Variants in XRRA1 observed in about 807,000 individuals in gnomAD.
XRRA1 encodes the protein X-ray radiation resistance associated 1, also known as X-ray radiation resistance-associated protein 1.
In XRRA1, 69 loss-of-function variants were observed where a neutral mutation model predicts 80.2. The ratio of observed to expected loss-of-function variants is 0.86; its 90% CI spans 0.71 to 1.05. XRRA1 has a LOEUF of 1.05. Ranked by LOEUF, XRRA1 falls within the 50% of genes least tolerant of loss-of-function variation. XRRA1 has a pLI of 0.00. For synonymous variants in XRRA1, 348 were observed against 389.9 expected (o/e 0.89, Z 1.27); for missense variants, 967 against 976.4 (o/e 0.99, Z 0.13).
chr11:74,845,047 T>C (rs2037685328), intron 16 of XRRA1, 26 bp downstream of exon 16: 1 of 1,609,746 alleles, frequency 6.2e-7, no homozygotes, highest in African/African-American at 1.3e-5. Flanking sequence ...CCTCTTGCCC[T>C]AGAGCAAGGA....
intron 5 of XRRA1, among the ~76,000 whole-genome samples, chr11:74,931,112 ATCT>A (rs959868608): frequency 7.3e-6 from 1 of 136,260 alleles, no homozygotes; most frequent in Non-Finnish European, 1.6e-5. Flanking sequence ...CAGCTCCCAT[ATCT>A]TTTTTTATGC....
intron 4 of XRRA1, among the ~76,000 whole-genome samples, chr11:74,936,466 T>C (rs1377431672): frequency 6.6e-6 from 1 of 152,222 alleles, no homozygotes; most frequent in Non-Finnish European, 1.5e-5. Context: ...AATTGACTGT[T>C]TCCCCTGACC....
chr11:74,923,599 T>G lies in XRRA1; in HGVS notation c.523-2252A>C, dbSNP rs553646706. 1.3e-3 allele frequency among the ~76,000 whole-genome samples: 202 copies of G among 152,336 alleles called. 1 individual carries two copies. Among genetic ancestry groups the G allele is most frequent in the African/African-American group, 4.6e-3 (193 of 41,564 alleles). ...CAGAATGGTTTTTCTAAAATGCAGT[T>G]CTGACCCTACCACTTAGCTTAAAAC... On this transcript the variant is annotated intron_variant, in intron 7 of 18. Coordinates refer to ENST00000684022, the MANE Select transcript of XRRA1 (RefSeq NM_001378157.1).
At chr11:74,846,908 GA>G (rs976744311) in intron 15 of XRRA1, among the ~76,000 whole-genome samples, 1 of 145,364 alleles carries the variant, frequency 6.9e-6, no homozygotes, top group Admixed American at 6.8e-5. Flanking sequence ...AATTAGGCCA[GA>G]AAAAAAAAGA....
chr11:74,856,625 A>G (rs1022734103), intron 12 of XRRA1, among the ~76,000 whole-genome samples: 10 of 152,234 alleles, frequency 6.6e-5, no homozygotes, highest in African/African-American at 2.4e-4. Flanking sequence ...TATAAAGACC[A>G]AGCGTGGCCT....
chr11:74,910,702 T>C (rs1414198981), intron 8 of XRRA1: 1 of 152,256 alleles, frequency 6.6e-6, no homozygotes, highest in African/African-American at 2.4e-5. Flanking sequence ...TAGAATCACA[T>C]GTGCATTTCA....
intron 6 of XRRA1, among the ~76,000 whole-genome samples, chr11:74,929,355 C>T (rs1328104707): frequency 2.6e-5 from 4 of 152,234 alleles, no homozygotes; most frequent in African/African-American, 9.6e-5. Flanking sequence ...CCTCATCTCC[C>T]CTCCCCTGAA....
intron 4 of XRRA1, among the ~76,000 whole-genome samples, chr11:74,934,248 C>T (rs985953432): frequency 6.6e-6 from 1 of 152,196 alleles, no homozygotes; most frequent in South Asian, 2.1e-4. Flanking sequence ...AATCACTAGA[C>T]TCTATGCACT....
chr11:74,858,990 T>G (rs1240592291), intron 12 of XRRA1, among the ~76,000 whole-genome samples, 168 bp downstream of exon 12: 1 of 152,200 alleles, frequency 6.6e-6, no homozygotes, highest in East Asian at 1.9e-4. Flanking sequence ...AGAGATGGAC[T>G]CCTGCCTTGG....
chr11:74,874,271 C>T (rs912528188), intron 10 of XRRA1, among the ~76,000 whole-genome samples: 4 of 123,072 alleles, frequency 3.3e-5, no homozygotes, highest in African/African-American at 1.1e-4. Flanking sequence ...AAGAAAGAAA[C>T]TCAAGTGGCT....
intron 10 of XRRA1, among the ~76,000 whole-genome samples, chr11:74,866,428 AT>A (rs1350180969): frequency 2.0e-5 from 3 of 151,462 alleles, no homozygotes; most frequent in African/African-American, 2.4e-5. Flanking sequence ...TAATGTTTTT[AT>A]TTTTTTGTAG....
At chr11:74,900,143 C>T (rs2137828086) in intron 10 of XRRA1, among the ~76,000 whole-genome samples, 1 of 151,086 alleles carries the variant, frequency 6.6e-6, no homozygotes, top group East Asian at 2.0e-4. Context: ...CCAGCCTGGG[C>T]AATAAAAGCG....
chr11:74,879,302 G>T (rs1443495090), intron 10 of XRRA1, among the ~76,000 whole-genome samples: 2 of 151,754 alleles, frequency 1.3e-5, no homozygotes, highest in African/African-American at 2.4e-5. Context: ...TGTGATTTTT[G>T]TACATTGACT....
intron 8 of XRRA1, among the ~76,000 whole-genome samples, chr11:74,917,896 A>C (rs1939255054): frequency 6.6e-6 from 1 of 152,128 alleles, no homozygotes. Context: ...CAACAGTCAG[A>C]CAAAGAGGGG....
intron 10 of XRRA1, among the ~76,000 whole-genome samples, chr11:74,877,669 G>A (rs1309106043): frequency 1.5e-5 from 2 of 135,504 alleles, no homozygotes; most frequent in African/African-American, 5.7e-5. Context: ...GTGTCCATGT[G>A]ATCTCATTGT....
At chr11:74,862,847 A>T in intron 11 of XRRA1, 134 bp downstream of exon 11, 1 of 777,346 alleles carries the variant, frequency 1.3e-6, no homozygotes, top group East Asian at 2.7e-5. Flanking sequence ...CTTGGCAACT[A>T]CCTATTCAAT....
chr11:74,902,432 G>A (rs478280), intron 10 of XRRA1, among the ~76,000 whole-genome samples: 145,402 of 152,296 alleles, frequency 0.95, 69,486 homozygotes, highest in African/African-American at 0.99. Flanking sequence ...CCCAAAAGAA[G>A]GGAAATCGGT....
intron 10 of XRRA1, among the ~76,000 whole-genome samples, chr11:74,903,367 T>C (rs2053938947): frequency 6.6e-6 from 1 of 152,170 alleles, no homozygotes; most frequent in Non-Finnish European, 1.5e-5. Context: ...ATGTGTGAAA[T>C]GTGTTTAGAG....
chr11:74,938,614 A>G (rs1409788952), intron 3 of XRRA1, among the ~76,000 whole-genome samples: 1 of 152,208 alleles, frequency 6.6e-6, no homozygotes, highest in Non-Finnish European at 1.5e-5. Flanking sequence ...CTGTGATGGT[A>G]TTTTGTAGAT....
Sources: gnomAD v4.1 joint callset for allele counts (sites outside exome capture counted in the v4.1 genomes callset) on GRCh38, gnomAD v4.1.1 for gene constraint, MANE v1.5 for transcripts, NCBI Gene and HGNC (gene_info 2026-07-23, HGNC 2026-07-21) for gene names.